The following PHACTR2 variants were observed in gnomAD, a reference collection of about 807,000 sequenced individuals.
The protein encoded by PHACTR2 is chromosome 6 open reading frame 56.
PHACTR2 carries 30 observed loss-of-function variants against 76.0 expected under a neutral mutation model. The ratio of observed to expected loss-of-function variants is 0.39; its 90% CI spans 0.30 to 0.54. The LOEUF is 0.54. Among genes scored for constraint, PHACTR2 ranks in the 20% least tolerant of loss-of-function variants. The pLI is 0.61. For synonymous variants in PHACTR2, 292 were observed against 292.5 expected (o/e 1.00, Z 0.02); for missense variants, 696 against 781.1 (o/e 0.89, Z 1.30).
rs1778868566 is a variant in PHACTR2 at position 143,738,460 on chromosome 6, A to G, written c.215-10525A>G. Among the ~76,000 whole-genome samples, 1 of 152,088 alleles carries G rather than the reference A, an allele frequency of 6.6e-6. No homozygotes were observed. The highest frequency in any genetic ancestry group is 2.4e-5 in the African/African-American group (1 of 41,418). On this transcript the variant is annotated intron_variant, in intron 2 of 12. Coordinates refer to ENST00000440869, the MANE Select transcript of PHACTR2 (RefSeq NM_001100164.2). This position sits in a 1 kb window ranked among gnomAD's most constrained non-coding sequence, Gnocchi z 4.0. ...CTTTACCCCAGGGCAATAGAATTAG[A>G]TCTTTAAATGAGTTGGGACCAGCAC...
chr6:143,717,020 C>G (rs1204839006), intron 2 of PHACTR2, among the ~76,000 whole-genome samples: 1 of 152,184 alleles, frequency 6.6e-6, no homozygotes, highest in Non-Finnish European at 1.5e-5. Flanking sequence ...AAAAGTGTGA[C>G]TGGGTCTGCA....
At chr6:143,563,551 C>CAA (rs76587878) in intron 1 of PHACTR2, among the ~76,000 whole-genome samples, 3 of 29,952 alleles carry the variant, frequency 1.0e-4, no homozygotes, top group African/African-American at 1.7e-4. Context: ...AACTCCGTCT[C>CAA]AAAAAAAAAA....
In PHACTR2 at chr6:143,647,670, A is replaced by G. The variant is rs1027826742; in HGVS notation, c.13+39348A>G. ...GCCTCCGTGAGGATTTGTTAGCTGA[A>G]AGGAAACCTTGGTTGAAGTGAGGGA... On this transcript the variant is annotated intron_variant, in intron 1 of 11. Transcript: ENST00000305766. The surrounding 1 kb of genome is among the most constrained non-coding windows in gnomAD (Gnocchi z 4.2). Among the ~76,000 whole-genome samples the G allele has an allele frequency of 1.3e-5, 2 of 152,208 alleles. No homozygotes were observed. Among genetic ancestry groups the G allele is most frequent in the African/African-American group, 4.8e-5 (2 of 41,456 alleles).
Position 143,765,384 on chromosome 6 carries a change from G to C in PHACTR2, c.818G>C (p.Gly273Ala). The C allele has an allele frequency of 6.2e-7, 1 of 1,614,118 alleles. No individual in the cohort carries two copies. The highest frequency in any genetic ancestry group is 8.5e-7 in the Non-Finnish European group (1 of 1,180,024). Residue 273 changes from glycine to alanine, a missense_variant, in exon 6 of 13, where the codon GGG becomes GCG. Transcript: ENST00000440869. The surrounding 1 kb of genome is among the most constrained non-coding windows in gnomAD (Gnocchi z 4.1). ...GTTTCTAGCAAAGCAGGGACAGTGG[G>C]GACCACCAAGGGCAAGAGAAAAACT... ...ETVSSKAGTV[G>A]TTKGKRKTDK... is the part of the protein sequence containing the mutation.
rs536175222 is a variant in PHACTR2, at chr6:143,596,497, T to A, written c.217+59290T>A. Among the ~76,000 whole-genome samples the A allele has an allele frequency of 6.6e-6, 1 of 152,052 alleles. No homozygotes were observed. Among genetic ancestry groups the A allele is most frequent in the African/African-American group, 2.4e-5 (1 of 41,378 alleles). On this transcript the variant is annotated intron_variant, in intron 1 of 11. Transcript: ENST00000367584. The surrounding 1 kb of genome is among the most constrained non-coding windows in gnomAD (Gnocchi z 4.6). The stretch of plus-strand genomic sequence containing the variant: ...GTTTTTGAGTGGATAATATAATAGG[T>A]TTTCGACAAGTGAATGTTTTTGAAA...
rs751613753 is a variant in PHACTR2 at position 143,647,300 on chromosome 6, G to A, written c.13+38978G>A. 6.6e-6 allele frequency among the ~76,000 whole-genome samples: 1 copy of A among 152,284 alleles called. No individual in the cohort carries two copies. The highest frequency in any genetic ancestry group is 1.5e-5 in the Non-Finnish European group (1 of 68,016). On this transcript the variant is annotated intron_variant, in intron 1 of 11. Transcript: ENST00000305766. This position sits in a 1 kb window ranked among gnomAD's most constrained non-coding sequence, Gnocchi z 4.2. ...AAGCTAAAAAGCTTGCTAAAGTCAC[G>A]TGGCTAATGAGTAATAACAAGATTC... is the stretch of plus-strand genomic sequence containing the variant.
rs1460523847 is a variant in PHACTR2 at position 143,597,664 on chromosome 6, G to A, written c.217+60457G>A. On this transcript the variant is annotated intron_variant, in intron 1 of 11. Coordinates refer to the PHACTR2 transcript ENST00000367584. The surrounding 1 kb of genome is among the most constrained non-coding windows in gnomAD (Gnocchi z 5.7). ...TCAAACAATACATGGTTCCATTTGT[G>A]TTCTAGCATAGAGGTTTTTAAAGTC... Among the ~76,000 whole-genome samples, 1 of 152,086 alleles carries A rather than the reference G, an allele frequency of 6.6e-6. No individual in the cohort carries two copies. Among genetic ancestry groups the A allele is most frequent in the African/African-American group, 2.4e-5 (1 of 41,422 alleles).
upstream of PHACTR2, among the ~76,000 whole-genome samples, chr6:143,675,306 G>C (rs1490579416): frequency 1.3e-5 from 2 of 152,180 alleles, no homozygotes; most frequent in Non-Finnish European, 2.9e-5. This position sits in a 1 kb window ranked among gnomAD's most constrained non-coding sequence, Gnocchi z 4.9. Context: ...AGGCTAAATA[G>C]AAGCTATTCC....
Position 143,754,123 on chromosome 6 carries a change from T to C in PHACTR2, c.454+211T>C, listed in dbSNP as rs1354686583. The stretch of plus-strand genomic sequence containing the variant: ...ATTTTATAAGCACAGTATTTGTTTT[T>C]TCAATTATTAAAAATGTTAATTAAA... On this transcript the variant is annotated intron_variant, in intron 4 of 12. Transcript: ENST00000440869. This position sits in a 1 kb window ranked among gnomAD's most constrained non-coding sequence, Gnocchi z 6.2. 6.7e-5 allele frequency: 23 copies of C among 343,462 alleles called. No homozygotes were observed. Among genetic ancestry groups the C allele is most frequent in the Non-Finnish European group, 1.0e-5 (2 of 191,772 alleles). 21.3% of individuals were successfully genotyped at this position (343,462 alleles called of 1,614,324 possible).
At chr6:143,544,303 A>G (rs1408273770) in intron 1 of PHACTR2, among the ~76,000 whole-genome samples, 1 of 146,002 alleles carries the variant, frequency 6.8e-6, no homozygotes, top group Non-Finnish European at 1.5e-5. Flanking sequence ...CTTTGATTCA[A>G]GAAGTTTGTT....
At position 143,724,199 on chromosome 6, in the gene PHACTR2, G is replaced by A. The variant is rs1202324950; in HGVS notation, c.214+12016G>A. Among the ~76,000 whole-genome samples, 3 of 151,884 alleles carry A rather than the reference G, an allele frequency of 2.0e-5. 1 individual carries two copies. Among genetic ancestry groups the A allele is most frequent in the South Asian group, 4.2e-4 (2 of 4,802 alleles). On this transcript the variant is annotated intron_variant, in intron 2 of 12. Transcript: ENST00000440869. ...CACCCAGGCTGGACTGTAGTGGCAC[G>A]ATCTCGGCTCACCGCAAGCTCCGCC...
intron 3 of PHACTR2, among the ~76,000 whole-genome samples, chr6:143,749,908 G>A (rs1200849891): frequency 6.6e-6 from 1 of 151,964 alleles, no homozygotes; most frequent in Non-Finnish European, 1.5e-5. Flanking sequence ...CACATTTACT[G>A]TAATAATAAA....
At position 143,648,633 on chromosome 6, in the gene PHACTR2, G is replaced by A. The variant is rs2128445608; in HGVS notation, c.13+40311G>A. 6.6e-6 allele frequency among the ~76,000 whole-genome samples: 1 copy of A among 152,294 alleles called. No individual in the cohort carries two copies. The highest frequency in any genetic ancestry group is 1.9e-4 in the East Asian group (1 of 5,178). The stretch of plus-strand genomic sequence containing the variant: ...GAATGAAGAGCCCGGGAGGTTTAAA[G>A]TGCTCTGAAGCACTGATACTGTAAA... On this transcript the variant is annotated intron_variant, in intron 1 of 11. Transcript: ENST00000305766. The surrounding 1 kb of genome is among the most constrained non-coding windows in gnomAD (Gnocchi z 6.7).
rs530049927 is a variant in PHACTR2, at chr6:143,608,244, G to A, written c.-66G>A. ...AATCAGCAGAAGGACAGGGTGCTTC[G>A]TTAGTCAGAAGAGCCAGGGCTTCCC... On this transcript the variant is annotated 5_prime_UTR_variant, in exon 1 of 12. Transcript: ENST00000305766. The surrounding 1 kb of genome is among the most constrained non-coding windows in gnomAD (Gnocchi z 4.6). 3.2e-6 allele frequency: 5 copies of A among 1,579,644 alleles called. No individual in the cohort carries two copies. The highest frequency in any genetic ancestry group is 4.5e-5 in the East Asian group (2 of 44,678).
intron 6 of PHACTR2, among the ~76,000 whole-genome samples, chr6:143,771,192 GTGTATATATATATATA>G (rs1775116204): frequency 1.2e-4 from 2 of 16,620 alleles, no homozygotes; most frequent in African/African-American, 6.7e-4. Flanking sequence ...ATATATATGT[GTGTATATATATATATA>G]TATATATATA....
intron 3 of PHACTR2, among the ~76,000 whole-genome samples, chr6:143,749,997 A>T (rs769468330): frequency 5.3e-5 from 8 of 152,208 alleles, no homozygotes; most frequent in Non-Finnish European, 1.0e-4. Flanking sequence ...ATAATAATAC[A>T]GCTGTTTTCC....
intron 1 of PHACTR2, among the ~76,000 whole-genome samples, chr6:143,544,347 A>G (rs1289445448): frequency 4.0e-5 from 6 of 151,794 alleles, no homozygotes; most frequent in African/African-American, 1.2e-4. Context: ...CTTGTGTTAC[A>G]GGAGTGTTGC....
intron 1 of PHACTR2, among the ~76,000 whole-genome samples, chr6:143,559,949 A>T (rs190396352): frequency 6.6e-6 from 1 of 151,890 alleles, no homozygotes; most frequent in Non-Finnish European, 1.5e-5. Flanking sequence ...AACCTCAGGT[A>T]ATCCACCTGC....
At chr6:143,649,336 T>C (rs1776716048) in intron 1 of PHACTR2, among the ~76,000 whole-genome samples, 1 of 152,184 alleles carries the variant, frequency 6.6e-6, no homozygotes, top group Non-Finnish European at 1.5e-5. Context: ...CACTAACTAA[T>C]TCTATGAGGC....
Sources: allele counts gnomAD v4.1 joint callset (sites outside exome capture counted in the v4.1 genomes callset), GRCh38; gene constraint gnomAD v4.1.1; non-coding constraint Gnocchi (gnomAD v3.1); transcripts MANE v1.5; gene names NCBI Gene and HGNC (gene_info 2026-07-23, HGNC 2026-07-21).